Variants in LPIN2 observed in about 807,000 individuals in gnomAD.
LPIN2 encodes the protein phosphatidate phosphatase LPIN2.
A neutral mutation model predicts 111.4 loss-of-function variants in LPIN2; 55 were observed. That is an observed-to-expected ratio of 0.49 (90% CI 0.40 to 0.62). The LOEUF (loss-of-function observed/expected upper bound fraction) is 0.62. LPIN2 is among the 20% of genes least tolerant of loss of function. The pLI is 0.00. For missense variants in LPIN2, 992 were observed against 1,112.1 expected, an observed-to-expected ratio of 0.89 and a Z score of 1.54; for synonymous variants, 425 against 414.0, an observed-to-expected ratio of 1.03 and a Z score of -0.32.
At chr18:2,999,158 C>T (rs1490692525) in intron 1 of LPIN2, among the ~76,000 whole-genome samples, 4 of 152,182 alleles carry the variant, frequency 2.6e-5, no homozygotes, top group Non-Finnish European at 5.9e-5. Flanking sequence ...GAAGTATATC[C>T]TCCAAAAAAG....
chr18:2,960,501 A>G, intron 2 of LPIN2, 148 bp downstream of exon 2: 2 of 753,956 alleles, frequency 2.7e-6, no homozygotes, highest in South Asian at 3.1e-5. Context: ...CATTGTCTCA[A>G]CATCATTCAG....
chr18:2,940,777 C>G, intron 4 of LPIN2, 65 bp from the exon 5 acceptor site: 1 of 894,284 alleles, frequency 1.1e-6, no homozygotes, highest in South Asian at 1.3e-5. Flanking sequence ...AAATATCCCC[C>G]AAACCTACTG....
chr18:2,928,495 A>T, intron 11 of LPIN2, 96 bp downstream of exon 11: 1 of 1,190,136 alleles, frequency 8.4e-7, no homozygotes, highest in Non-Finnish European at 1.3e-6. Flanking sequence ...AAAACTTTGA[A>T]TAGTACCCAG....
chr18:2,984,552 G>GA (rs1449454317), intron 1 of LPIN2, among the ~76,000 whole-genome samples: 2 of 151,844 alleles, frequency 1.3e-5, no homozygotes, highest in African/African-American at 4.8e-5. Flanking sequence ...GCTAGTAGGA[G>GA]AAAGAGAGAT....
In LPIN2 at chr18:2,988,806, T is replaced by C. The variant is rs553129727; in HGVS notation, c.-10+24281A>G. On this transcript the variant is annotated intron_variant, in intron 1 of 19. Coordinates refer to ENST00000677752, the MANE Select transcript of LPIN2 (RefSeq NM_001375808.2). The stretch of plus-strand genomic sequence containing the variant: ...TCCCTCTTCTAAGGATAAAGCACCA[T>C]TGAAACAGAACAAGTGTGACATTTC... 1.1e-4 allele frequency among the ~76,000 whole-genome samples: 16 copies of C among 152,340 alleles called. No individual in the cohort carries two copies. In the East Asian group the frequency reaches 2.1e-3, roughly 20 times the overall value.
At chr18:2,996,650 T>C (rs2078349863) in intron 1 of LPIN2, among the ~76,000 whole-genome samples, 2 of 150,826 alleles carry the variant, frequency 1.3e-5, no homozygotes, top group African/African-American at 4.9e-5. Context: ...GCTAATTTTT[T>C]GTATTTTTAG....
chr18:2,951,271 G>C lies in LPIN2; in HGVS notation c.374C>G (p.Ser125Trp), dbSNP rs542116963. ...FKDIDTPLVK[S>W]GGDETPSQSS... ...CTGAGATGGTGTTTCATCTCCACCC[G>C]ATTTCACCAAAGGGGTGTCAATATC... Residue 125 changes from serine to tryptophan, a missense_variant, in exon 4 of 20, where the codon TCG becomes TGG. Coordinates refer to ENST00000677752, the MANE Select transcript of LPIN2 (RefSeq NM_001375808.2). 10 of 1,613,848 alleles carry C rather than the reference G, an allele frequency of 6.2e-6. No individual in the cohort carries two copies. Among genetic ancestry groups the C allele is most frequent in the Non-Finnish European group, 8.5e-6 (10 of 1,179,966 alleles).
At position 2,990,920 on chromosome 18, in the gene LPIN2, C is replaced by A; in HGVS notation, c.-10+22167G>T. On this transcript the variant is annotated intron_variant, in intron 1 of 19. Transcript: ENST00000677752. ...ATCCTGGTATGATGCCAGCACCCCA[C>A]ACGGGGCCCTCCTCCTGGGATGATG... 7.3e-6 allele frequency: 4 copies of A among 551,568 alleles called. 1 individual carries two copies. The highest frequency in any genetic ancestry group is 5.6e-5 in the South Asian group (4 of 70,918). 34.2% of individuals were successfully genotyped at this position (551,568 alleles called of 1,614,324 possible).
intron 16 of LPIN2, 52 bp from the exon 17 acceptor site, chr18:2,922,251 A>G (rs1472926202): frequency 6.4e-7 from 1 of 1,574,464 alleles, no homozygotes; most frequent in Admixed American, 1.8e-5. Flanking sequence ...AGGGAAAAGA[A>G]AACAAAAAAC....
At chr18:2,988,857 A>G (rs928866532) in intron 1 of LPIN2, among the ~76,000 whole-genome samples, 6 of 152,338 alleles carry the variant, frequency 3.9e-5, no homozygotes, top group African/African-American at 1.4e-4. Context: ...CAGACTCAAC[A>G]TACTTTAATA....
intron 12 of LPIN2, 28 bp downstream of exon 12, chr18:2,927,694 C>A: frequency 1.2e-6 from 2 of 1,607,946 alleles, no homozygotes; most frequent in Non-Finnish European, 1.7e-6. Context: ...TTTCAGCCCA[C>A]GGAAACAATG....
intron 6 of LPIN2, 113 bp from the exon 7 acceptor site, chr18:2,938,150 T>TTAA: frequency 1.3e-6 from 1 of 774,376 alleles, no homozygotes; most frequent in Non-Finnish European, 2.2e-6. Context: ...ATTCATTAAG[T>TTAA]ATCTTAGTTT....
At chr18:2,943,199 T>G (rs2077390443) in intron 4 of LPIN2, among the ~76,000 whole-genome samples, 1 of 117,328 alleles carries the variant, frequency 8.5e-6, no homozygotes, top group African/African-American at 3.0e-5. Context: ...CCTCAGTTTT[T>G]TTTCTGTTTT....
At chr18:2,982,122 T>G (rs1327593705) in intron 1 of LPIN2, among the ~76,000 whole-genome samples, 4 of 152,148 alleles carry the variant, frequency 2.6e-5, no homozygotes, top group Non-Finnish European at 5.9e-5. Context: ...TTAAAGAAGT[T>G]CATACAATTT....
At chr18:2,973,749 A>T (rs1010039352) in intron 1 of LPIN2, among the ~76,000 whole-genome samples, 1 of 152,250 alleles carries the variant, frequency 6.6e-6, no homozygotes, top group Non-Finnish European at 1.5e-5. Flanking sequence ...CAAACATAAA[A>T]TTCATTTATG....
intron 7 of LPIN2, 121 bp downstream of exon 7, chr18:2,937,571 A>G (rs991343884): frequency 1.9e-5 from 11 of 591,152 alleles, no homozygotes; most frequent in African/African-American, 1.6e-4. Flanking sequence ...AAAAAAAAAA[A>G]GTGCGACGGG....
chr18:3,002,946 C>A (rs1267268932), intron 1 of LPIN2, among the ~76,000 whole-genome samples: 1 of 152,234 alleles, frequency 6.6e-6, no homozygotes, highest in East Asian at 1.9e-4. Flanking sequence ...AATGTTCATT[C>A]ATTCACCTTT....
At chr18:2,944,724 T>C (rs1483139695) in intron 4 of LPIN2, among the ~76,000 whole-genome samples, 1 of 152,194 alleles carries the variant, frequency 6.6e-6, no homozygotes. Flanking sequence ...TTTCTTTTTA[T>C]ATTTAACTAA....
At chr18:2,990,818 T>C (rs1186201748) in intron 1 of LPIN2, 1 of 395,008 alleles carries the variant, frequency 2.5e-6, no homozygotes, top group Non-Finnish European at 5.0e-6. Flanking sequence ...CAAGGAAAGA[T>C]ACTTCCTACT....
Sources: gnomAD v4.1 joint callset for allele counts (sites outside exome capture counted in the v4.1 genomes callset) on GRCh38, gnomAD v4.1.1 for gene constraint, MANE v1.5 for transcripts, NCBI Gene and HGNC (gene_info 2026-07-23, HGNC 2026-07-21) for gene names.